DGKB: variants seen among roughly 807,000 people sequenced by gnomAD.
DGKB encodes the protein 90 kDa diacylglycerol kinase.
DGKB carries 67 observed loss-of-function variants against 114.3 expected under a neutral mutation model. The observed-to-expected ratio is 0.59, with a 90% CI of 0.48 to 0.72. The LOEUF is 0.72. Ranked by LOEUF, DGKB falls within the 30% of genes least tolerant of loss-of-function variation. DGKB has a pLI of 0.00. For missense variants in DGKB, 907 were observed against 975.2 expected (o/e 0.93, Z 0.93); for synonymous variants, 398 against 323.1 (o/e 1.23, Z -2.49).
At chr7:14,543,835 G>C (rs1793870021) in intron 20 of DGKB, among the ~76,000 whole-genome samples, 1 of 152,116 alleles carries the variant, frequency 6.6e-6, no homozygotes, top group Non-Finnish European at 1.5e-5. Context: ...ATCTTTTCCA[G>C]ACACCTGCAT....
intron 13 of DGKB, among the ~76,000 whole-genome samples, chr7:14,663,034 T>C (rs1817437794): frequency 1.3e-5 from 2 of 151,950 alleles, no homozygotes; most frequent in Admixed American, 1.3e-4. Flanking sequence ...ATTAACTCAT[T>C]TGATTTTATT....
intron 1 of DGKB, among the ~76,000 whole-genome samples, chr7:14,946,464 C>A (rs1785887302): frequency 6.6e-6 from 1 of 151,720 alleles, no homozygotes; most frequent in Admixed American, 6.6e-5. Flanking sequence ...TGAATCCCCT[C>A]ATCCAACATA....
intron 21 of DGKB, among the ~76,000 whole-genome samples, chr7:14,394,461 T>C (rs1024265389): frequency 1.3e-5 from 2 of 152,182 alleles, no homozygotes; most frequent in Non-Finnish European, 2.9e-5. Context: ...AATATTTTTG[T>C]TCTTTTGCTC....
intron 23 of DGKB, among the ~76,000 whole-genome samples, chr7:14,332,114 G>T (rs1809827625): frequency 6.6e-6 from 1 of 151,714 alleles, no homozygotes; most frequent in African/African-American, 2.4e-5. Context: ...TGTTTTTTTG[G>T]CCTGAATTTT....
chr7:14,496,422 C>A (rs74575686), intron 20 of DGKB, among the ~76,000 whole-genome samples: 8,728 of 151,606 alleles, frequency 0.058, 648 homozygotes, highest in African/African-American at 0.17. Flanking sequence ...CTTTTGGGTT[C>A]TTTTATTCAT....
intron 2 of DGKB, among the ~76,000 whole-genome samples, chr7:14,831,612 A>T (rs1846424313): frequency 6.6e-6 from 1 of 152,080 alleles, no homozygotes; most frequent in African/African-American, 2.4e-5. Flanking sequence ...ACAGAAAAAA[A>T]ACATGAGGTA....
intron 20 of DGKB, among the ~76,000 whole-genome samples, chr7:14,552,003 A>G (rs1253509640): frequency 1.3e-5 from 2 of 152,154 alleles, no homozygotes; most frequent in Non-Finnish European, 1.5e-5. Context: ...GGTCACTAAC[A>G]TATGACCTAA....
chr7:14,569,263 T>C (rs898927182), intron 20 of DGKB, among the ~76,000 whole-genome samples: 48 of 152,112 alleles, frequency 3.2e-4, no homozygotes, highest in African/African-American at 9.7e-4. Context: ...CCCCATATTA[T>C]GCTCAGGTAA....
At chr7:14,820,171 C>T (rs1453012302) in intron 2 of DGKB, among the ~76,000 whole-genome samples, 2 of 152,184 alleles carry the variant, frequency 1.3e-5, no homozygotes, top group African/African-American at 4.8e-5. Context: ...TTAAGCCATA[C>T]TTGGTCACCT....
rs868157228 is a variant in DGKB, at chr7:14,218,131, A to T, written c.2123-39980T>A. On this transcript the variant is annotated intron_variant, in intron 23 of 25. Transcript: ENST00000402815. ...TCGTGTTCATAACACTTAAGCCTTC[A>T]AAGTGTTCAGATTATGTAAAATTTG... Among the ~76,000 whole-genome samples the T allele has an allele frequency of 4.6e-5, 7 of 152,250 alleles. No individual in the cohort carries two copies. In the South Asian group the frequency reaches 8.3e-4, roughly 18 times the overall value.
chr7:14,453,852 A>C (rs1831888472), intron 21 of DGKB, among the ~76,000 whole-genome samples: 1 of 152,160 alleles, frequency 6.6e-6, no homozygotes, highest in South Asian at 2.1e-4. Context: ...TAAAGTAAGC[A>C]GAGGGCCAGA....
At chr7:14,618,018 A>G (rs1806872773) in intron 15 of DGKB, among the ~76,000 whole-genome samples, 1 of 151,746 alleles carries the variant, frequency 6.6e-6, no homozygotes, top group East Asian at 1.9e-4. Context: ...TCAAAACTAT[A>G]GAGTAACAAT....
intron 17 of DGKB, among the ~76,000 whole-genome samples, chr7:14,592,128 T>C (rs971700513): frequency 5.3e-5 from 8 of 151,792 alleles, no homozygotes; most frequent in Non-Finnish European, 1.2e-4. Context: ...TTATAAATCA[T>C]AAAATAATAT....
At chr7:14,817,321 A>G (rs567298408) in intron 2 of DGKB, among the ~76,000 whole-genome samples, 2 of 152,242 alleles carry the variant, frequency 1.3e-5, no homozygotes, top group Non-Finnish European at 2.9e-5. Context: ...TAATACATGT[A>G]TAGTTACACC....
At chr7:14,819,397 G>A (rs1446254631) in intron 2 of DGKB, among the ~76,000 whole-genome samples, 9 of 152,136 alleles carry the variant, frequency 5.9e-5, no homozygotes, top group African/African-American at 2.2e-4. Flanking sequence ...ACCAGCCTGG[G>A]CAACAAAGGG....
chr7:14,566,328 G>A (rs1563529794), intron 20 of DGKB, among the ~76,000 whole-genome samples: 2 of 151,970 alleles, frequency 1.3e-5, no homozygotes, highest in Admixed American at 1.3e-4. Flanking sequence ...AATAATAGAT[G>A]GTTTATTATG....
chr7:14,607,215 A>G (rs1423920238), intron 17 of DGKB, among the ~76,000 whole-genome samples: 2 of 151,630 alleles, frequency 1.3e-5, no homozygotes, highest in Non-Finnish European at 2.9e-5. Context: ...AATAAGGAGC[A>G]TTACTTCACA....
chr7:14,791,896 T>C (rs1468532736), intron 2 of DGKB, among the ~76,000 whole-genome samples: 1 of 152,128 alleles, frequency 6.6e-6, no homozygotes, highest in African/African-American at 2.4e-5. Context: ...CATTTTTTCA[T>C]TGTGTTCATG....
chr7:14,343,427 A>C (rs911312882), intron 22 of DGKB, among the ~76,000 whole-genome samples: 2 of 151,910 alleles, frequency 1.3e-5, no homozygotes, highest in African/African-American at 4.8e-5. Flanking sequence ...TGTGGATCAA[A>C]ACCACTTAAT....
Sources: allele counts gnomAD v4.1 joint callset (sites outside exome capture counted in the v4.1 genomes callset), GRCh38; gene constraint gnomAD v4.1.1; transcripts MANE v1.5; gene names NCBI Gene and HGNC (gene_info 2026-07-23, HGNC 2026-07-21).